NHSL1: variants seen among roughly 807,000 people sequenced by gnomAD.
NHSL1 encodes NHS-like protein 1.
NHSL1 carries 48 observed loss-of-function variants against 95.0 expected under a neutral mutation model. The ratio of observed to expected loss-of-function variants is 0.51; its 90% confidence interval spans 0.40 to 0.64. NHSL1 has a LOEUF of 0.64. NHSL1 is among the 30% of genes least tolerant of loss of function. NHSL1 has a pLI of 0.00. For synonymous variants in NHSL1, 783 were observed against 833.9 expected (o/e 0.94, Z 1.05); for missense variants, 1,971 against 2,077.7 (o/e 0.95, Z 1.00).
intron 1 of NHSL1, among the ~76,000 whole-genome samples, chr6:138,629,663 G>A (rs12174559): frequency 0.063 from 9,535 of 152,268 alleles, 534 homozygotes; most frequent in East Asian, 0.26. Flanking sequence ...GATTACAGGC[G>A]TGAGCCACCA....
At chr6:138,458,829 AAAAAAAAAAAAAC>A (rs926996086) in intron 3 of NHSL1, among the ~76,000 whole-genome samples, 1 of 14,500 alleles carries the variant, frequency 6.9e-5, no homozygotes, top group African/African-American at 1.1e-3. Context: ...AATCTGTCTC[AAAAAAAAAAAAAC>A]AAAAAAAAAA....
intron 5 of NHSL1, among the ~76,000 whole-genome samples, chr6:138,440,187 A>G (rs536551334): frequency 6.6e-6 from 1 of 152,352 alleles, no homozygotes; most frequent in East Asian, 1.9e-4. Context: ...CAGTTAAAGT[A>G]TAAATGTTGC....
chr6:138,626,290 T>C (rs1465763943), intron 1 of NHSL1, among the ~76,000 whole-genome samples: 2 of 152,174 alleles, frequency 1.3e-5, no homozygotes, highest in Non-Finnish European at 2.9e-5. Flanking sequence ...ACAAACTCTT[T>C]AGGTAGAATG....
At chr6:138,471,246 C>T (rs1778731424) in intron 3 of NHSL1, among the ~76,000 whole-genome samples, 1 of 152,100 alleles carries the variant, frequency 6.6e-6, no homozygotes, top group Admixed American at 6.5e-5. Flanking sequence ...TCTTAGGATG[C>T]TGTCATGACA....
intron 1 of NHSL1, among the ~76,000 whole-genome samples, chr6:138,681,714 CT>C (rs111951072): frequency 6.6e-6 from 1 of 151,294 alleles, no homozygotes; most frequent in African/African-American, 2.4e-5. Context: ...ATTCTATTTC[CT>C]TTTTTTTTAC....
At position 138,437,329 on chromosome 6, in the gene NHSL1, C is replaced by CATAT. The variant is rs777583497; in HGVS notation, c.665-3653_665-3650dup. 1.9e-3 allele frequency among the ~76,000 whole-genome samples: 191 copies of CATAT among 100,920 alleles called. 5 individuals are homozygous for CATAT. The highest frequency in any genetic ancestry group is 8.5e-3 in the Middle Eastern group (2 of 234). The allele number at this position is 100,920 out of a possible 152,430, so 66.2% of individuals were successfully genotyped here. On this transcript the variant is annotated intron_variant, in intron 5 of 7. Coordinates refer to ENST00000343505, the MANE Select transcript of NHSL1 (RefSeq NM_001144060.2). Reference sequence around the variant, plus strand: ...ATATATATATATATATACACACACACATATATATATATACACATATATATA... The same window carrying CATAT: ...ATATATATATATATATACACACACACATATATATATATATATACACATATATATA...
chr6:138,646,373 T>G (rs575804899), intron 1 of NHSL1, among the ~76,000 whole-genome samples: 82 of 152,244 alleles, frequency 5.4e-4, no homozygotes, highest in African/African-American at 1.7e-3. Context: ...AAAATTCTTA[T>G]CAACCAGCCA....
intron 2 of NHSL1, among the ~76,000 whole-genome samples, chr6:138,483,437 G>C (rs1779542732): frequency 6.6e-6 from 1 of 152,182 alleles, no homozygotes; most frequent in South Asian, 2.1e-4. Context: ...CCTAAAGAAT[G>C]CCATTTTGTT....
chr6:138,647,993 G>C (rs1785041184), intron 1 of NHSL1, among the ~76,000 whole-genome samples: 1 of 152,104 alleles, frequency 6.6e-6, no homozygotes, highest in Non-Finnish European at 1.5e-5. Flanking sequence ...GTTATGGTAT[G>C]GAAGCTTGCA....
intron 2 of NHSL1, among the ~76,000 whole-genome samples, chr6:138,495,613 A>G (rs902283397): frequency 2.0e-5 from 3 of 152,236 alleles, no homozygotes; most frequent in Admixed American, 2.0e-4. Flanking sequence ...AACATGCTAA[A>G]GTGTTTCTAA....
intron 1 of NHSL1, among the ~76,000 whole-genome samples, chr6:138,667,200 A>T (rs930001508): frequency 6.6e-6 from 1 of 152,232 alleles, no homozygotes; most frequent in Non-Finnish European, 1.5e-5. Flanking sequence ...GCAAAGGCAA[A>T]GAACTAGAAT....
At chr6:138,553,771 G>T (rs765490562) in intron 1 of NHSL1, among the ~76,000 whole-genome samples, 14 of 152,102 alleles carry the variant, frequency 9.2e-5, no homozygotes, top group Non-Finnish European at 1.5e-4. Flanking sequence ...AAACTTTATG[G>T]TGAAATCTTT....
intron 1 of NHSL1, among the ~76,000 whole-genome samples, chr6:138,605,171 T>C (rs1215990477): frequency 6.6e-6 from 1 of 152,164 alleles, no homozygotes; most frequent in Non-Finnish European, 1.5e-5. Context: ...CACAATTAAC[T>C]AGACAACGGA....
chr6:138,473,320 C>A lies in NHSL1; in HGVS notation c.325G>T (p.Glu109Ter). 1 of 1,544,332 alleles carries A rather than the reference C, an allele frequency of 6.5e-7. No individual in the cohort carries two copies. Among genetic ancestry groups the A allele is most frequent in the Non-Finnish European group, 8.7e-7 (1 of 1,144,334 alleles). Residue 109 changes from glutamate (E) to a stop codon, truncating the protein, a stop_gained, in exon 3 of 8, where the codon GAA becomes TAA. Transcript: ENST00000343505. LOFTEE classifies it high-confidence loss of function. Reference sequence around the variant, plus strand: ...TTGAAGCTTACCTTTTGATCTGTTTCTTCATCTTCATCTTGGTAATCATCA... The same window carrying A: ...TTGAAGCTTACCTTTTGATCTGTTTATTCATCTTCATCTTGGTAATCATCA... ...FCDDYQDEDE[E>*]TDQKCSLSSS...
At chr6:138,561,625 TTA>T (rs2114298020) in intron 1 of NHSL1, among the ~76,000 whole-genome samples, 1 of 152,296 alleles carries the variant, frequency 6.6e-6, no homozygotes, top group African/African-American at 2.4e-5. Context: ...GAAGGTTGCT[TTA>T]TATCAAGTGT....
At chr6:138,479,431 G>C (rs1287419810) in intron 2 of NHSL1, among the ~76,000 whole-genome samples, 1 of 152,138 alleles carries the variant, frequency 6.6e-6, no homozygotes, top group Non-Finnish European at 1.5e-5. Flanking sequence ...TACAAGCACT[G>C]AGATGCTGAC....
At chr6:138,581,748 C>T (rs1784060178) in intron 1 of NHSL1, among the ~76,000 whole-genome samples, 1 of 149,168 alleles carries the variant, frequency 6.7e-6, no homozygotes, top group Non-Finnish European at 1.5e-5. Flanking sequence ...GCAGGATCTG[C>T]AAGCATTTAC....
At chr6:138,663,861 ACT>A (rs1187064775) in intron 1 of NHSL1, among the ~76,000 whole-genome samples, 18 of 152,112 alleles carry the variant, frequency 1.2e-4, no homozygotes, top group Non-Finnish European at 2.9e-5. Context: ...ACAGAGCAAG[ACT>A]CTATCTCAAA....
At chr6:138,674,629 T>A (rs551896607) in intron 1 of NHSL1, among the ~76,000 whole-genome samples, 13 of 152,298 alleles carry the variant, frequency 8.5e-5, no homozygotes, top group African/African-American at 2.9e-4. Context: ...TTCATCCGTG[T>A]CCCTGCAAAG....
Sources: gnomAD v4.1 joint callset for allele counts (sites outside exome capture counted in the v4.1 genomes callset) on GRCh38, gnomAD v4.1.1 for gene constraint, MANE v1.5 for transcripts, NCBI Gene and HGNC (gene_info 2026-07-23, HGNC 2026-07-21) for gene names.